The following SSBP2 variants were observed in gnomAD, a reference collection of about 807,000 sequenced individuals.
The protein encoded by SSBP2 is single stranded DNA binding protein 2, also known as single-stranded DNA-binding protein 2.
In SSBP2, 17 loss-of-function variants were observed where a neutral mutation model predicts 61.8. The observed-to-expected ratio is 0.28, with a 90% confidence interval of 0.19 to 0.41. The LOEUF (loss-of-function observed/expected upper bound fraction) is 0.41. Ranked by LOEUF, SSBP2 falls within the 10% of genes least tolerant of loss-of-function variation. SSBP2 has a pLI of 1.00. For synonymous variants in SSBP2, 139 were observed against 141.3 expected (o/e 0.98, Z 0.12); for missense variants, 310 against 458.7 (o/e 0.68, Z 2.96).
At chr5:81,748,592 T>C (rs1327005049) in intron 1 of SSBP2, among the ~76,000 whole-genome samples, 1 of 152,206 alleles carries the variant, frequency 6.6e-6, no homozygotes, top group Non-Finnish European at 1.5e-5. Context: ...CAACGACAAT[T>C]AACCCAGAAC....
intron 16 of SSBP2, among the ~76,000 whole-genome samples, chr5:81,423,874 G>A (rs977627237): frequency 1.1e-4 from 16 of 152,006 alleles, no homozygotes; most frequent in Admixed American, 2.6e-4. Flanking sequence ...CTATACATAC[G>A]CATATACTCT....
At chr5:81,591,633 A>G (rs1296186183) in intron 4 of SSBP2, among the ~76,000 whole-genome samples, 1 of 152,348 alleles carries the variant, frequency 6.6e-6, no homozygotes, top group South Asian at 2.1e-4. Flanking sequence ...AAATACAGTA[A>G]TAAAGATGAA....
chr5:81,602,615 C>T (rs949842133), intron 4 of SSBP2, among the ~76,000 whole-genome samples: 1 of 152,168 alleles, frequency 6.6e-6, no homozygotes, highest in Admixed American at 6.5e-5. Context: ...ATTTTCCTAA[C>T]TCTGGTCTGC....
chr5:81,476,127 A>T (rs902137472), intron 6 of SSBP2, among the ~76,000 whole-genome samples: 1 of 151,926 alleles, frequency 6.6e-6, no homozygotes, highest in Admixed American at 6.6e-5. Context: ...TTTCAGAACT[A>T]CTTAATAGCA....
chr5:81,727,934 G>A (rs945757346), intron 1 of SSBP2, among the ~76,000 whole-genome samples: 1 of 152,156 alleles, frequency 6.6e-6, no homozygotes, highest in African/African-American at 2.4e-5. Context: ...GGTCAGGGAA[G>A]GCCACTGGAA....
chr5:81,657,157 G>A (rs917904332), intron 1 of SSBP2, among the ~76,000 whole-genome samples: 3 of 151,904 alleles, frequency 2.0e-5, no homozygotes, highest in African/African-American at 7.3e-5. Flanking sequence ...TTCCTATTTA[G>A]AAAGAAATAA....
Position 81,420,428 on chromosome 5 carries a change from A to T in SSBP2, c.*76T>A. On this transcript the variant is annotated 3_prime_UTR_variant, in exon 17 of 17. Coordinates refer to ENST00000320672, the MANE Select transcript of SSBP2 (RefSeq NM_012446.5). ...TTCCTTTGTTTAACTGTACACTGTG[A>T]TGAATAATTTTCTTCCGTAGTAGTT... 7.2e-7 allele frequency: 1 copy of T among 1,379,438 alleles called. No homozygotes were observed. The highest frequency in any genetic ancestry group is 1.0e-6 in the Non-Finnish European group (1 of 967,174). 85.4% of individuals were successfully genotyped at this position (1,379,438 alleles called of 1,614,324 possible).
intron 4 of SSBP2, among the ~76,000 whole-genome samples, chr5:81,607,492 C>G (rs1029960495): frequency 1.3e-5 from 2 of 152,094 alleles, no homozygotes; most frequent in African/African-American, 4.8e-5. Flanking sequence ...GCTTACCTCC[C>G]TAAGGTATGA....
At chr5:81,654,939 C>A (rs779827107) in intron 1 of SSBP2, among the ~76,000 whole-genome samples, 1 of 151,862 alleles carries the variant, frequency 6.6e-6, no homozygotes, top group East Asian at 1.9e-4. Flanking sequence ...GAGTTTGAGA[C>A]CAGCCTGGGC....
chr5:81,718,335 T>A (rs566340745), intron 1 of SSBP2, among the ~76,000 whole-genome samples: 2 of 151,944 alleles, frequency 1.3e-5, no homozygotes, highest in African/African-American at 4.8e-5. Context: ...AAGTGACTGC[T>A]AGCAAAGAAA....
chr5:81,529,896 A>G (rs1041505007), intron 4 of SSBP2, among the ~76,000 whole-genome samples: 2 of 152,248 alleles, frequency 1.3e-5, no homozygotes, highest in East Asian at 3.9e-4. Flanking sequence ...AATCAACTCA[A>G]TAACATGATG....
chr5:81,421,489 G>C (rs754023566), intron 16 of SSBP2, among the ~76,000 whole-genome samples: 1 of 152,132 alleles, frequency 6.6e-6, no homozygotes, highest in Non-Finnish European at 1.5e-5. Flanking sequence ...CCCTGTGCTC[G>C]GCCTGTGACT....
chr5:81,634,691 T>A (rs1319886684), intron 3 of SSBP2, among the ~76,000 whole-genome samples: 1 of 152,204 alleles, frequency 6.6e-6, no homozygotes, highest in East Asian at 1.9e-4. Flanking sequence ...CTCTATCACC[T>A]CAATTTCCAA....
intron 1 of SSBP2, among the ~76,000 whole-genome samples, chr5:81,693,569 AT>A (rs1753376968): frequency 6.6e-6 from 1 of 152,246 alleles, no homozygotes; most frequent in East Asian, 1.9e-4. Flanking sequence ...AAACAGGCAT[AT>A]GAAAAGGCGC....
chr5:81,632,860 T>A (rs1326378052), intron 3 of SSBP2, among the ~76,000 whole-genome samples: 1 of 152,158 alleles, frequency 6.6e-6, no homozygotes, highest in Non-Finnish European at 1.5e-5. Context: ...CATTTCCCAC[T>A]TCCTACCTTC....
In SSBP2 at chr5:81,415,049, G is replaced by A. The variant is rs1761253179; in HGVS notation, c.*5455C>T. ...AAGGTATGGTTCACAGACCCAGGGAGACCTTTACACATGCTTAAGATTGGG... is the reference window on the plus strand; with the variant it reads ...AAGGTATGGTTCACAGACCCAGGGAAACCTTTACACATGCTTAAGATTGGG... On this transcript the variant is annotated 3_prime_UTR_variant, in exon 17 of 17. Transcript: ENST00000320672. 1.3e-5 allele frequency: 2 copies of A among 152,118 alleles called. No individual in the cohort carries two copies. The highest frequency in any genetic ancestry group is 2.9e-5 in the Non-Finnish European group (2 of 68,030). The allele number at this position is 152,118 out of a possible 1,614,324, so 9.4% of individuals were successfully genotyped here.
chr5:81,556,516 G>A (rs1419976869), intron 4 of SSBP2, among the ~76,000 whole-genome samples: 2 of 152,046 alleles, frequency 1.3e-5, no homozygotes, highest in African/African-American at 2.4e-5. Flanking sequence ...GTGATTAGCA[G>A]GAAACCTACA....
chr5:81,737,949 A>C (rs1409006714), intron 1 of SSBP2, among the ~76,000 whole-genome samples: 1 of 151,994 alleles, frequency 6.6e-6, no homozygotes, highest in African/African-American at 2.4e-5. Flanking sequence ...CGTTCTTTTC[A>C]ATCTCAATTT....
chr5:81,475,500 A>G (rs1765527011), intron 6 of SSBP2, among the ~76,000 whole-genome samples: 1 of 152,060 alleles, frequency 6.6e-6, no homozygotes, highest in Non-Finnish European at 1.5e-5. Flanking sequence ...CACCAAATAC[A>G]TATTTCTTGA....
Sources: gnomAD v4.1 joint callset for allele counts (sites outside exome capture counted in the v4.1 genomes callset) on GRCh38, gnomAD v4.1.1 for gene constraint, MANE v1.5 for transcripts, NCBI Gene and HGNC (gene_info 2026-07-23, HGNC 2026-07-21) for gene names.